CACNG4: variants seen among roughly 807,000 people sequenced by gnomAD.
CACNG4 encodes voltage-dependent calcium channel gamma-4 subunit.
In CACNG4, 8 loss-of-function variants were observed where a neutral mutation model predicts 22.9. The ratio of observed to expected loss-of-function variants is 0.35; its 90% CI spans 0.21 to 0.63. CACNG4 has a LOEUF of 0.63. Among genes scored for constraint, CACNG4 ranks in the 30% least tolerant of loss-of-function variants. CACNG4 has a pLI of 0.72. For missense variants in CACNG4, 357 were observed against 455.4 expected, an observed-to-expected ratio of 0.78 and a Z score of 1.97; for synonymous variants, 188 against 191.9, an observed-to-expected ratio of 0.98 and a Z score of 0.17.
intron 1 of CACNG4, among the ~76,000 whole-genome samples, chr17:66,982,085 G>GTTACAGCTC (rs1166284115): frequency 1.3e-5 from 2 of 152,186 alleles, no homozygotes; most frequent in African/African-American, 4.8e-5. Flanking sequence ...TGCGGTGAGT[G>GTTACAGCTC]TTACAGCTCT....
At chr17:66,965,544 G>A (rs1438071041) in intron 1 of CACNG4, among the ~76,000 whole-genome samples, 1 of 150,998 alleles carries the variant, frequency 6.6e-6, no homozygotes, top group Non-Finnish European at 1.5e-5. Flanking sequence ...GAGGAGGCTG[G>A]GGTTGGGGGG....
chr17:67,023,510 C>T (rs111269750), intron 2 of CACNG4, among the ~76,000 whole-genome samples: 34 of 151,570 alleles, frequency 2.2e-4, no homozygotes, highest in East Asian at 5.8e-4. Flanking sequence ...CTCCTGACCT[C>T]GTGATCCACC....
intron 1 of CACNG4, among the ~76,000 whole-genome samples, chr17:66,986,249 CCCT>C (rs1237799002): frequency 1.3e-5 from 2 of 152,346 alleles, no homozygotes; most frequent in East Asian, 3.9e-4. Context: ...CTGCCTCTGG[CCCT>C]CCTGGCCCAG....
intron 3 of CACNG4, among the ~76,000 whole-genome samples, chr17:67,025,576 C>T (rs1002030408): frequency 6.6e-6 from 1 of 152,272 alleles, no homozygotes; most frequent in East Asian, 1.9e-4. Flanking sequence ...GCGGCCCCCG[C>T]CCATCCCGAC....
chr17:66,995,856 A>G (rs185760006), intron 1 of CACNG4, among the ~76,000 whole-genome samples: 51 of 152,072 alleles, frequency 3.4e-4, no homozygotes, highest in Admixed American at 2.7e-3. Flanking sequence ...TCTTGAAAAA[A>G]AAATGGGATC....
intron 1 of CACNG4, among the ~76,000 whole-genome samples, chr17:66,975,589 C>G (rs1219892421): frequency 1.3e-5 from 2 of 152,182 alleles, no homozygotes; most frequent in African/African-American, 4.8e-5. Context: ...CAAAACATAT[C>G]ATCGCTTTCT....
intron 2 of CACNG4, 67 bp from the exon 3 acceptor site, chr17:67,024,793 C>T (rs1469264914): frequency 7.1e-7 from 1 of 1,412,590 alleles, no homozygotes; most frequent in South Asian, 1.6e-5. Context: ...GAGACATACG[C>T]AGCCATGCCC....
chr17:66,989,566 G>A (rs2035326343), intron 1 of CACNG4, among the ~76,000 whole-genome samples: 1 of 151,584 alleles, frequency 6.6e-6, no homozygotes, highest in South Asian at 2.1e-4. Context: ...GTTGTTTTAA[G>A]CCAGCTCGTT....
In CACNG4 at chr17:67,030,160, T is replaced by G. The variant is rs1037539442; in HGVS notation, c.446-306T>G. 3.4e-5 allele frequency among the ~76,000 whole-genome samples: 5 copies of G among 148,896 alleles called. No individual in the cohort carries two copies. Among genetic ancestry groups the G allele is most frequent in the East Asian group, 3.9e-4 (2 of 5,092 alleles). On this transcript the variant is annotated intron_variant, in intron 3 of 3. Transcript: ENST00000262138. This position sits in a 1 kb window ranked among gnomAD's most constrained non-coding sequence, Gnocchi z 6.4. ...GCAAAGGAAATAATAGGGGTGTGTG[T>G]GTGTGTGTGTGTGAAGAGAGAAATT...
At chr17:66,990,440 G>A (rs1191094281) in intron 1 of CACNG4, among the ~76,000 whole-genome samples, 1 of 152,140 alleles carries the variant, frequency 6.6e-6, no homozygotes, top group Non-Finnish European at 1.5e-5. Flanking sequence ...ACACTCAAGG[G>A]GAGGATGTTA....
intron 1 of CACNG4, among the ~76,000 whole-genome samples, chr17:66,972,641 T>G (rs534775272): frequency 1.6e-5 from 2 of 121,976 alleles, no homozygotes; most frequent in East Asian, 4.9e-4. Context: ...AGAAAGCACA[T>G]GGGGCCTGGC....
At chr17:67,019,771 C>T (rs1271843700) in intron 2 of CACNG4, among the ~76,000 whole-genome samples, 1 of 152,168 alleles carries the variant, frequency 6.6e-6, no homozygotes. Context: ...AGGTTATGGG[C>T]GTTGGTGCTG....
Position 67,023,441 on chromosome 17 carries a change from A to G in CACNG4, c.305-1419A>G, listed in dbSNP as rs575395319. Among the ~76,000 whole-genome samples the G allele has an allele frequency of 1.6e-3, 237 of 150,898 alleles. 2 individuals carry two copies. Among genetic ancestry groups the G allele is most frequent in the South Asian group, 1.7e-3 (8 of 4,790 alleles). On this transcript the variant is annotated intron_variant, in intron 2 of 3. Transcript: ENST00000262138. Reference sequence around the variant, plus strand: ...CAGGCACTGGCTACAACGCCCGGCTAATTTTTTGTATTTTTCCTAGAGATA... The same window carrying G: ...CAGGCACTGGCTACAACGCCCGGCTGATTTTTTGTATTTTTCCTAGAGATA...
In CACNG4 at chr17:67,024,950, G is replaced by A. The variant is rs2035554756; in HGVS notation, c.395G>A (p.Ser132Asn). ...GLCIGAGRIY[S>N]RKNNIVLSAG... ...TGCATCGGTGCTGGCAGGATCTACA[G>A]CCGCAAGAACAACATCGTCCTCAGT... Residue 132 changes from serine to asparagine, a missense_variant, in exon 3 of 4, where the codon AGC becomes AAC. This residue lies in a region of CACNG4 where 240 missense variants were observed against 277.6 expected (regional missense o/e 0.86). Coordinates refer to ENST00000262138, the MANE Select transcript of CACNG4 (RefSeq NM_014405.4). 1 of 1,607,164 alleles carries A rather than the reference G, an allele frequency of 6.2e-7. No individual in the cohort carries two copies.
chr17:66,989,701 C>T (rs1256164620), intron 1 of CACNG4, among the ~76,000 whole-genome samples: 1 of 151,410 alleles, frequency 6.6e-6, no homozygotes, highest in Non-Finnish European at 1.5e-5. Context: ...GAGGGGGTAG[C>T]CTCAAATAAA....
intron 1 of CACNG4, among the ~76,000 whole-genome samples, chr17:66,974,238 G>A (rs928378329): frequency 1.6e-4 from 24 of 152,190 alleles, no homozygotes; most frequent in Non-Finnish European, 2.8e-4. Flanking sequence ...CTTCCTGGAG[G>A]CCAGGACAAA....
intron 1 of CACNG4, among the ~76,000 whole-genome samples, chr17:66,965,712 G>A (rs1161900947): frequency 6.6e-6 from 1 of 151,384 alleles, no homozygotes; most frequent in Admixed American, 6.6e-5. Context: ...GCAGAAGTAG[G>A]GGCAGAAGTA....
At position 66,965,268 on chromosome 17, in the gene CACNG4, G is replaced by C. The variant is rs2035162235; in HGVS notation, c.220+137G>C. 4 of 589,036 alleles carry C rather than the reference G, an allele frequency of 6.8e-6. No individual in the cohort carries two copies. In the South Asian group the frequency reaches 9.5e-5, roughly 14 times the overall value. The allele number at this position is 589,036 out of a possible 1,614,324, so 36.5% of individuals were successfully genotyped here. On this transcript the variant is annotated intron_variant, in intron 1 of 3. Transcript: ENST00000262138. Reference sequence around the variant, plus strand: ...CGCGCGGGCCGGGGAGAGGGTGGGCGCGGCGCTGGCTCCGCGCGAGACACA... The same window carrying C: ...CGCGCGGGCCGGGGAGAGGGTGGGCCCGGCGCTGGCTCCGCGCGAGACACA...
intron 1 of CACNG4, among the ~76,000 whole-genome samples, chr17:66,974,868 T>A (rs1257939800): frequency 6.6e-6 from 1 of 152,124 alleles, no homozygotes; most frequent in East Asian, 1.9e-4. Flanking sequence ...TTAGTCCACG[T>A]GGAAGCCGCC....
Sources: allele counts gnomAD v4.1 joint callset (sites outside exome capture counted in the v4.1 genomes callset), GRCh38; gene constraint gnomAD v4.1.1; regional missense constraint gnomAD v4.1.1; non-coding constraint Gnocchi (gnomAD v3.1); transcripts MANE v1.5; gene names NCBI Gene and HGNC (gene_info 2026-07-23, HGNC 2026-07-21).